The following FAM107B variants were observed in gnomAD, a reference collection of about 807,000 sequenced individuals.
FAM107B encodes the protein family with sequence similarity 107 member B.
A neutral mutation model predicts 31.5 loss-of-function variants in FAM107B; 21 were observed. The ratio of observed to expected loss-of-function variants is 0.67; its 90% CI spans 0.47 to 0.96. The LOEUF (loss-of-function observed/expected upper bound fraction) is 0.96. FAM107B is among the 40% of genes least tolerant of loss of function. The pLI, the probability that FAM107B is intolerant of heterozygous loss-of-function variation, is 0.00. For missense variants in FAM107B, 452 were observed against 377.1 expected, an observed-to-expected ratio of 1.20 and a Z score of -1.64; for synonymous variants, 157 against 141.5, an observed-to-expected ratio of 1.11 and a Z score of -0.78.
At chr10:14,646,850 G>A (rs1476450715) in intron 2 of FAM107B, among the ~76,000 whole-genome samples, 1 of 128,536 alleles carries the variant, frequency 7.8e-6, no homozygotes, top group African/African-American at 3.0e-5. Context: ...CTGGAGTGCA[G>A]TGGCACAATC....
At chr10:14,522,560 C>T (rs528027793) in intron 3 of FAM107B, among the ~76,000 whole-genome samples, 2 of 152,154 alleles carry the variant, frequency 1.3e-5, no homozygotes, top group East Asian at 1.9e-4. Flanking sequence ...GGATTACAGG[C>T]GTGCACCACC....
chr10:14,741,715 CTTTTTTTTT>C (rs769614377), intron 1 of FAM107B, among the ~76,000 whole-genome samples: 4 of 114,434 alleles, frequency 3.5e-5, no homozygotes, highest in African/African-American at 1.5e-4. Context: ...GCATAACTCC[CTTTTTTTTT>C]TTTTTTTTTT....
chr10:14,523,919 T>C (rs1845935839), intron 3 of FAM107B, among the ~76,000 whole-genome samples: 1 of 149,480 alleles, frequency 6.7e-6, no homozygotes, highest in Non-Finnish European at 1.5e-5. Context: ...CGGGCTGGAG[T>C]GCAGCGGCAT....
intron 2 of FAM107B, 117 bp from the exon 3 acceptor site, chr10:14,530,632 A>C: frequency 4.4e-6 from 4 of 903,298 alleles, no homozygotes; most frequent in Non-Finnish European, 6.7e-6. Flanking sequence ...TCCTGAGTCC[A>C]CTCTGGGGCA....
chr10:14,548,509 G>A, intron 2 of FAM107B: 2 of 985,502 alleles, frequency 2.0e-6, no homozygotes, highest in Non-Finnish European at 1.2e-6. Flanking sequence ...TTGGCCCAGG[G>A]CTGCTTCATC....
chr10:14,563,828 T>G (rs1850439680), intron 2 of FAM107B, among the ~76,000 whole-genome samples: 1 of 152,238 alleles, frequency 6.6e-6, no homozygotes, highest in Non-Finnish European at 1.5e-5. Flanking sequence ...ACAGCTATTT[T>G]CTATCAAAGC....
At chr10:14,721,576 T>G (rs531216853) in intron 1 of FAM107B, among the ~76,000 whole-genome samples, 1 of 152,330 alleles carries the variant, frequency 6.6e-6, no homozygotes, top group African/African-American at 2.4e-5. Context: ...TGGTTTTGAT[T>G]TGCATTTCTC....
chr10:14,654,467 T>C (rs1185898931), intron 2 of FAM107B, among the ~76,000 whole-genome samples: 1 of 152,220 alleles, frequency 6.6e-6, no homozygotes, highest in African/African-American at 2.4e-5. Context: ...AACATATTGC[T>C]GTTGCGTTTT....
chr10:14,527,198 A>G (rs957712284), intron 3 of FAM107B, among the ~76,000 whole-genome samples: 11 of 152,040 alleles, frequency 7.2e-5, no homozygotes, highest in African/African-American at 2.4e-4. Flanking sequence ...AAAAAAAAAA[A>G]GCCTTTTGAA....
intron 1 of FAM107B, among the ~76,000 whole-genome samples, chr10:14,751,096 G>A (rs759140848): frequency 4.6e-5 from 7 of 152,224 alleles, no homozygotes; most frequent in Non-Finnish European, 8.8e-5. Flanking sequence ...AGGTAATGAG[G>A]AGGAAGCACA....
At chr10:14,569,398 CAT>C (rs1164017181) in intron 2 of FAM107B, among the ~76,000 whole-genome samples, 2 of 151,512 alleles carry the variant, frequency 1.3e-5, no homozygotes, top group African/African-American at 4.9e-5. Flanking sequence ...GCATTGTGCA[CAT>C]ATGTGTGTGT....
At chr10:14,726,764 G>C (rs1328294184) in intron 1 of FAM107B, among the ~76,000 whole-genome samples, 3 of 152,050 alleles carry the variant, frequency 2.0e-5, no homozygotes, top group African/African-American at 7.2e-5. Context: ...TTAAACCAGA[G>C]GTCCCCAATC....
intron 2 of FAM107B, among the ~76,000 whole-genome samples, chr10:14,540,888 C>G (rs189595585): frequency 6.6e-6 from 1 of 152,146 alleles, no homozygotes; most frequent in Non-Finnish European, 1.5e-5. Flanking sequence ...AAGGACAGAG[C>G]CAACCCCACC....
intron 2 of FAM107B, among the ~76,000 whole-genome samples, chr10:14,578,065 C>T (rs1398034436): frequency 6.6e-6 from 1 of 152,124 alleles, no homozygotes; most frequent in African/African-American, 2.4e-5. Context: ...ACCTCCACAT[C>T]CAGAGCCAGG....
At chr10:14,700,258 C>T (rs1178358554) in intron 1 of FAM107B, among the ~76,000 whole-genome samples, 2 of 152,118 alleles carry the variant, frequency 1.3e-5, no homozygotes, top group Non-Finnish European at 2.9e-5. Flanking sequence ...AAAAGCAGCA[C>T]TGGCAACTGT....
chr10:14,719,449 TG>T (rs1244173773), intron 1 of FAM107B, among the ~76,000 whole-genome samples: 28 of 152,362 alleles, frequency 1.8e-4, no homozygotes, highest in African/African-American at 6.0e-4. Flanking sequence ...AATCCATTCA[TG>T]TTCTTTCAAC....
At chr10:14,678,327 T>C (rs986620471) in intron 1 of FAM107B, among the ~76,000 whole-genome samples, 2 of 152,234 alleles carry the variant, frequency 1.3e-5, no homozygotes, top group Admixed American at 1.3e-4. Flanking sequence ...ATGGTGGGTA[T>C]GTGTTTTCTG....
intron 2 of FAM107B, among the ~76,000 whole-genome samples, chr10:14,568,816 G>T (rs12570114): frequency 6.6e-6 from 1 of 151,696 alleles, no homozygotes; most frequent in Non-Finnish European, 1.5e-5. Flanking sequence ...GGGGTGGAAG[G>T]GGGAGGCAAA....
chr10:14,539,026 C>A (rs1847916623), intron 2 of FAM107B, among the ~76,000 whole-genome samples: 1 of 152,208 alleles, frequency 6.6e-6, no homozygotes, highest in South Asian at 2.1e-4. Flanking sequence ...CAGTACTTGC[C>A]CACGTGGCAG....
Sources: gnomAD v4.1 joint callset for allele counts (sites outside exome capture counted in the v4.1 genomes callset) on GRCh38, gnomAD v4.1.1 for gene constraint, MANE v1.5 for transcripts, NCBI Gene and HGNC (gene_info 2026-07-23, HGNC 2026-07-21) for gene names.